NELL1: variants seen among roughly 807,000 people sequenced by gnomAD.
NELL1 encodes the protein protein kinase C-binding protein NELL1.
In NELL1, 76 loss-of-function variants were observed where a neutral mutation model predicts 107.4. That is an observed-to-expected ratio of 0.71 (90% CI 0.59 to 0.86). The LOEUF (loss-of-function observed/expected upper bound fraction) is 0.86. NELL1 is among the 40% of genes least tolerant of loss of function. The pLI, the probability that NELL1 is intolerant of heterozygous loss-of-function variation, is 0.00. For missense variants in NELL1, 1,024 were observed against 1,005.5 expected (o/e 1.02, Z -0.25); for synonymous variants, 353 against 341.2 (o/e 1.03, Z -0.38).
At chr11:21,470,952 A>C (rs1299626063) in intron 15 of NELL1, among the ~76,000 whole-genome samples, 1 of 152,124 alleles carries the variant, frequency 6.6e-6, no homozygotes, top group East Asian at 1.9e-4. Flanking sequence ...AATGGATATA[A>C]AATAGTTAAT....
intron 13 of NELL1, among the ~76,000 whole-genome samples, chr11:21,204,360 G>T (rs919475107): frequency 6.6e-6 from 1 of 151,396 alleles, no homozygotes; most frequent in African/African-American, 2.4e-5. Context: ...TCATTAAGTT[G>T]ATCTTCAATC....
Position 20,960,464 on chromosome 11 carries a change from G to A in NELL1, c.1204G>A (p.Gly402Ser). ...HNFCAEGPKC[G>S]ENSECKNWNT... ...CTTTTGTGCAGAAGGACCTAAATGT[G>A]GTGAAAACTCAGAGTGCAAAAACTG... Residue 402 changes from glycine (G) to serine (S), a missense_variant, in exon 12 of 20, where the codon GGT becomes AGT. Coordinates refer to ENST00000357134, the MANE Select transcript of NELL1 (RefSeq NM_006157.5). The A allele has an allele frequency of 6.2e-7, 1 of 1,613,862 alleles. No individual in the cohort carries two copies. The highest frequency in any genetic ancestry group is 1.1e-5 in the South Asian group (1 of 91,070).
Position 21,317,999 on chromosome 11 carries a change from T to A in NELL1, c.1550-52854T>A, listed in dbSNP as rs909609926. 2.0e-5 allele frequency among the ~76,000 whole-genome samples: 3 copies of A among 152,158 alleles called. No homozygotes were observed. The South Asian group carries it at 6.2e-4, about 31-fold the overall frequency. On this transcript the variant is annotated intron_variant, in intron 14 of 19. Transcript: ENST00000357134. ...GTATTTCTTATGGGGTAAGACATGG[T>A]GCCTCTATGTGCTTTCAAATGAAGG... is the stretch of plus-strand genomic sequence containing the variant.
At chr11:21,049,825 A>C (rs1287724923) in intron 12 of NELL1, among the ~76,000 whole-genome samples, 1 of 152,004 alleles carries the variant, frequency 6.6e-6, no homozygotes, top group African/African-American at 2.4e-5. Flanking sequence ...CTACAGGTGC[A>C]TGCCACCACT....
intron 2 of NELL1, among the ~76,000 whole-genome samples, chr11:20,751,998 T>G (rs1856151666): frequency 6.6e-6 from 1 of 152,210 alleles, no homozygotes; most frequent in African/African-American, 2.4e-5. Context: ...GTTTTCTTCA[T>G]TTACAGTGTT....
intron 13 of NELL1, among the ~76,000 whole-genome samples, chr11:21,203,013 C>T (rs909703773): frequency 9.2e-5 from 14 of 152,224 alleles, no homozygotes; most frequent in African/African-American, 2.9e-4. Flanking sequence ...CGTTCTTTTG[C>T]ATTTGCTGAG....
At chr11:20,764,609 AC>A (rs984747171) in intron 2 of NELL1, among the ~76,000 whole-genome samples, 4 of 131,092 alleles carry the variant, frequency 3.1e-5, no homozygotes, top group African/African-American at 1.2e-4. Flanking sequence ...TACACCCCAG[AC>A]CTTTTTTTTT....
intron 14 of NELL1, among the ~76,000 whole-genome samples, chr11:21,241,852 A>G (rs182187112): frequency 3.9e-4 from 58 of 149,182 alleles, no homozygotes; most frequent in African/African-American, 1.3e-3. Flanking sequence ...GCTGTGTTTC[A>G]TCTTTAAAAC....
chr11:21,188,084 T>C (rs955376357), intron 13 of NELL1, among the ~76,000 whole-genome samples: 1 of 151,828 alleles, frequency 6.6e-6, no homozygotes, highest in Non-Finnish European at 1.5e-5. Flanking sequence ...TAGAACTGAT[T>C]TGGGTTCTGG....
intron 13 of NELL1, among the ~76,000 whole-genome samples, chr11:21,194,784 G>T (rs1013554421): frequency 6.6e-6 from 1 of 152,094 alleles, no homozygotes; most frequent in Non-Finnish European, 1.5e-5. Context: ...TTCTAAGATG[G>T]GGTAAACTGT....
chr11:20,915,718 T>TATATATATATATATATATATA (rs375263928), intron 5 of NELL1, among the ~76,000 whole-genome samples: 259 of 49,052 alleles, frequency 5.3e-3, no homozygotes, highest in Middle Eastern at 0.012. Flanking sequence ...TATATATATA[T>TATATATATATATATATATATA]TTTTTTTTTT....
At chr11:20,841,885 C>A (rs1339216368) in intron 3 of NELL1, among the ~76,000 whole-genome samples, 1 of 152,156 alleles carries the variant, frequency 6.6e-6, no homozygotes, top group Non-Finnish European at 1.5e-5. Flanking sequence ...CATGGTTTGT[C>A]TGGCAGGTTT....
chr11:20,875,203 T>C (rs1849279578), intron 4 of NELL1, among the ~76,000 whole-genome samples: 1 of 152,204 alleles, frequency 6.6e-6, no homozygotes, highest in Non-Finnish European at 1.5e-5. Context: ...TAATATGTAT[T>C]TCTGTTTACC....
chr11:21,382,736 A>G (rs1440336553), intron 15 of NELL1, among the ~76,000 whole-genome samples: 3 of 151,950 alleles, frequency 2.0e-5, no homozygotes, highest in Middle Eastern at 3.2e-3. Context: ...TGTCAAATAA[A>G]TAAAAGCTGT....
intron 15 of NELL1, among the ~76,000 whole-genome samples, chr11:21,463,040 A>G (rs1853938564): frequency 6.6e-6 from 1 of 152,032 alleles, no homozygotes; most frequent in East Asian, 1.9e-4. Context: ...TTAAGAATAA[A>G]TTTGCTGAAT....
chr11:21,324,807 G>T (rs1237465055), intron 14 of NELL1, among the ~76,000 whole-genome samples: 1 of 152,002 alleles, frequency 6.6e-6, no homozygotes, highest in African/African-American at 2.4e-5. Flanking sequence ...AGGCCCAGAA[G>T]GAAGAGGAAA....
chr11:20,970,649 A>G (rs1005937216), intron 12 of NELL1, among the ~76,000 whole-genome samples: 2 of 152,152 alleles, frequency 1.3e-5, no homozygotes, highest in African/African-American at 4.8e-5. Flanking sequence ...GGCCATTCTC[A>G]GTAGGGGGAT....
At chr11:21,386,460 A>G (rs1420369628) in intron 15 of NELL1, among the ~76,000 whole-genome samples, 2 of 151,884 alleles carry the variant, frequency 1.3e-5, no homozygotes, top group East Asian at 3.9e-4. Context: ...ACTTCCTTCC[A>G]TAGACAAAGC....
intron 15 of NELL1, among the ~76,000 whole-genome samples, chr11:21,526,537 T>A (rs1855860293): frequency 6.6e-6 from 1 of 152,206 alleles, no homozygotes; most frequent in South Asian, 2.1e-4. Context: ...TTTTCCTTTT[T>A]TACTGCCCTA....
Sources: gnomAD v4.1 joint callset for allele counts (sites outside exome capture counted in the v4.1 genomes callset) on GRCh38, gnomAD v4.1.1 for gene constraint, MANE v1.5 for transcripts, NCBI Gene and HGNC (gene_info 2026-07-23, HGNC 2026-07-21) for gene names.